Variants in NPAS3 observed in about 807,000 individuals in gnomAD.
NPAS3 encodes neuronal PAS domain-containing protein 3.
NPAS3 carries 14 observed loss-of-function variants against 73.1 expected under a neutral mutation model. The ratio of observed to expected loss-of-function variants is 0.19; its 90% CI spans 0.13 to 0.30. NPAS3 has a LOEUF of 0.30. NPAS3 is among the 10% of genes least tolerant of loss of function. NPAS3 has a pLI of 1.00. For synonymous variants in NPAS3, 620 were observed against 541.5 expected (o/e 1.14, Z -2.01); for missense variants, 1,096 against 1,250.0 (o/e 0.88, Z 1.86).
chr14:32,976,273 T>C (rs1223847057), intron 1 of NPAS3, among the ~76,000 whole-genome samples: 1 of 152,074 alleles, frequency 6.6e-6, no homozygotes, highest in African/African-American at 2.4e-5. Context: ...CCTCAGTGTG[T>C]CTCACCTCCT....
chr14:33,434,767 T>C (rs1181750941), intron 4 of NPAS3, among the ~76,000 whole-genome samples: 2 of 152,192 alleles, frequency 1.3e-5, no homozygotes, highest in South Asian at 2.1e-4. Flanking sequence ...ATAGTACGAG[T>C]TGAATAAATT....
At chr14:33,374,104 T>C (rs114621688) in intron 4 of NPAS3, among the ~76,000 whole-genome samples, 1,647 of 152,274 alleles carry the variant, frequency 0.011, 23 homozygotes, top group African/African-American at 0.037. Context: ...AGCCCAAATG[T>C]AGTGATTTTC....
Position 33,668,992 on chromosome 14 carries a change from ATC to A in NPAS3, c.559-7216_559-7215del, listed in dbSNP as rs796740682. Among the ~76,000 whole-genome samples, 76 of 152,300 alleles carry A rather than the reference ATC, an allele frequency of 5.0e-4. 1 individual carries two copies. Among genetic ancestry groups the A allele is most frequent in the African/African-American group, 1.7e-3 (69 of 41,550 alleles). ...TGAAGTCCGGCTATGCATAACACTC[ATC>A]TCAACATGTATCCAGCTTTAAATGA... On this transcript the variant is annotated intron_variant, in intron 5 of 11. Coordinates refer to ENST00000356141, the Ensembl canonical transcript of NPAS3.
intron 4 of NPAS3, among the ~76,000 whole-genome samples, chr14:33,400,772 C>T (rs1193594461): frequency 7.2e-5 from 11 of 151,736 alleles, no homozygotes; most frequent in East Asian, 5.8e-4. Flanking sequence ...AGTAGGGGGG[C>T]GTGGTGGCAG....
rs1567039471 is a variant in NPAS3, at chr14:33,595,481, A to G, written c.558+35271A>G. 2.0e-5 allele frequency among the ~76,000 whole-genome samples: 3 copies of G among 152,208 alleles called. 1 individual carries two copies. Among genetic ancestry groups the G allele is most frequent in the Admixed American group, 1.3e-4 (2 of 15,284 alleles). ...AATACCCTTTGTTTTGAATGCTGAA[A>G]TAAAATGCTGTGAAATTCAAAGTTA... On this transcript the variant is annotated intron_variant, in intron 5 of 11. Transcript: ENST00000356141.
At chr14:33,255,469 T>C (rs1189755595) in intron 3 of NPAS3, among the ~76,000 whole-genome samples, 3 of 152,176 alleles carry the variant, frequency 2.0e-5, no homozygotes, top group African/African-American at 7.2e-5. Flanking sequence ...GACTAGAGTA[T>C]TTATAAATCC....
At chr14:33,408,240 A>G (rs930925466) in intron 4 of NPAS3, among the ~76,000 whole-genome samples, 1 of 152,112 alleles carries the variant, frequency 6.6e-6, no homozygotes, top group African/African-American at 2.4e-5. Flanking sequence ...CCAGGTCTTT[A>G]TGACTATACA....
chr14:33,119,930 C>A (rs757645763), intron 2 of NPAS3, among the ~76,000 whole-genome samples: 7 of 152,106 alleles, frequency 4.6e-5, no homozygotes, highest in Non-Finnish European at 1.5e-5. Flanking sequence ...AGTAACCAAG[C>A]CATTTAACAT....
intron 1 of NPAS3, among the ~76,000 whole-genome samples, chr14:32,975,734 T>C (rs2037638384): frequency 6.6e-6 from 1 of 151,748 alleles, no homozygotes; most frequent in South Asian, 2.1e-4. Context: ...GAAGGATTGA[T>C]AGCTCTGGTA....
intron 1 of NPAS3, among the ~76,000 whole-genome samples, chr14:32,964,330 T>A (rs537731642): frequency 9.9e-5 from 15 of 152,270 alleles, no homozygotes; most frequent in Middle Eastern, 3.4e-3. Context: ...ACAGAGAGGT[T>A]AAGTAAATTA....
At chr14:32,981,945 T>G (rs1384593393) in intron 1 of NPAS3, among the ~76,000 whole-genome samples, 1 of 152,238 alleles carries the variant, frequency 6.6e-6, no homozygotes, top group Non-Finnish European at 1.5e-5. Context: ...TTTTCATCTC[T>G]TCTTCCCATT....
intron 2 of NPAS3, among the ~76,000 whole-genome samples, chr14:33,109,151 G>A (rs528846396): frequency 1.3e-5 from 2 of 152,128 alleles, no homozygotes; most frequent in Non-Finnish European, 2.9e-5. Flanking sequence ...CCATTTCAAA[G>A]ATCCATGTGA....
chr14:32,991,412 G>A (rs1280898651), intron 1 of NPAS3, among the ~76,000 whole-genome samples: 2 of 152,064 alleles, frequency 1.3e-5, no homozygotes, highest in African/African-American at 4.8e-5. Context: ...TTAGCTTTCT[G>A]TCCATTGGCC....
At chr14:33,073,285 A>G in intron 2 of NPAS3, among the ~76,000 whole-genome samples, 1 of 152,234 alleles carries the variant, frequency 6.6e-6, no homozygotes, top group East Asian at 1.9e-4. Context: ...CATATAATTT[A>G]TTGATTTAAT....
At chr14:33,764,351 C>T (rs1261643965) in intron 7 of NPAS3, among the ~76,000 whole-genome samples, 1 of 152,192 alleles carries the variant, frequency 6.6e-6, no homozygotes, top group African/African-American at 2.4e-5. Flanking sequence ...AGTTTAAGTA[C>T]TAACTTAGAA....
intron 4 of NPAS3, among the ~76,000 whole-genome samples, chr14:33,428,665 G>A (rs1309494115): frequency 2.6e-5 from 4 of 152,066 alleles, no homozygotes; most frequent in Non-Finnish European, 4.4e-5. Context: ...GACTCACACT[G>A]AGCACTAAGC....
chr14:33,109,808 G>GTTTT (rs1282152425), intron 2 of NPAS3, among the ~76,000 whole-genome samples: 1 of 103,766 alleles, frequency 9.6e-6, no homozygotes. Context: ...TAATTTGCAT[G>GTTTT]TCTTTTTTTT....
At chr14:33,537,237 A>G (rs2054296832) in intron 4 of NPAS3, among the ~76,000 whole-genome samples, 1 of 152,168 alleles carries the variant, frequency 6.6e-6, no homozygotes, top group Non-Finnish European at 1.5e-5. Flanking sequence ...TGCCTACATT[A>G]ATACTTCTGC....
At chr14:33,454,673 GT>G (rs2049946132) in intron 4 of NPAS3, among the ~76,000 whole-genome samples, 1 of 152,180 alleles carries the variant, frequency 6.6e-6, no homozygotes, top group South Asian at 2.1e-4. Context: ...GGGTCTTAGG[GT>G]CTTTCTAATC....
Sources: gnomAD v4.1 joint callset for allele counts (sites outside exome capture counted in the v4.1 genomes callset) on GRCh38, gnomAD v4.1.1 for gene constraint, MANE v1.5 for transcripts, NCBI Gene and HGNC (gene_info 2026-07-23, HGNC 2026-07-21) for gene names.